Variants in NTNG1 observed in about 807,000 individuals in gnomAD.
NTNG1 encodes the protein netrin G1.
In NTNG1, 16 loss-of-function variants were observed where a neutral mutation model predicts 54.0. The observed-to-expected ratio is 0.30, with a 90% CI of 0.20 to 0.45. NTNG1 has a LOEUF of 0.45. Ranked by LOEUF, NTNG1 falls within the 20% of genes least tolerant of loss-of-function variation. The pLI is 1.00. For synonymous variants in NTNG1, 255 were observed against 263.1 expected, an observed-to-expected ratio of 0.97 and a Z score of 0.30; for missense variants, 530 against 678.7, an observed-to-expected ratio of 0.78 and a Z score of 2.43.
intron 2 of NTNG1, among the ~76,000 whole-genome samples, chr1:107,189,002 A>G (rs1657680221): frequency 6.6e-6 from 1 of 152,110 alleles, no homozygotes; most frequent in African/African-American, 2.4e-5. Flanking sequence ...TTCCTATTCA[A>G]TATTTGAAAG....
At chr1:107,330,685 T>C (rs1354685684) in intron 3 of NTNG1, 1 of 152,154 alleles carries the variant, frequency 6.6e-6, no homozygotes, top group Non-Finnish European at 1.5e-5. Context: ...AGATTCTAGT[T>C]AGGGATTTGA....
intron 2 of NTNG1, among the ~76,000 whole-genome samples, chr1:107,294,564 C>T (rs1469203807): frequency 6.6e-6 from 1 of 152,032 alleles, no homozygotes; most frequent in African/African-American, 2.4e-5. Flanking sequence ...ATTAGTGAAT[C>T]GGTAATAGCA....
intron 6 of NTNG1, among the ~76,000 whole-genome samples, chr1:107,431,975 C>A (rs1009400080): frequency 2.6e-5 from 4 of 151,922 alleles, no homozygotes; most frequent in African/African-American, 9.7e-5. Context: ...ATCCAAGTGT[C>A]ACAAAAAAAA....
At chr1:107,167,499 TATAAAAACTTAA>T (rs1655895039) in intron 2 of NTNG1, among the ~76,000 whole-genome samples, 1 of 151,808 alleles carries the variant, frequency 6.6e-6, no homozygotes, top group Non-Finnish European at 1.5e-5. Context: ...TTTATATTTG[TATAAAAACTTAA>T]ATATGGTTTT....
chr1:107,391,990 T>G (rs906189435), intron 3 of NTNG1, among the ~76,000 whole-genome samples: 1 of 152,132 alleles, frequency 6.6e-6, no homozygotes, highest in African/African-American at 2.4e-5. Flanking sequence ...GGATACATCA[T>G]TCTTGCCTAA....
In NTNG1 at chr1:107,386,171, T is replaced by A. The variant is rs1210311849; in HGVS notation, c.888-8983T>A. Among the ~76,000 whole-genome samples the A allele has an allele frequency of 6.2e-3, 862 of 139,434 alleles. 13 individuals are homozygous for A. The highest frequency in any genetic ancestry group is 0.024 in the African/African-American group (806 of 34,198). The allele number at this position is 139,434 out of a possible 152,430, so 91.5% of individuals were successfully genotyped here. On this transcript the variant is annotated intron_variant, in intron 3 of 7. Transcript: ENST00000370068. ...TGTGTATATATATATATATATTTTT[T>A]TTTTTTTCTTCCTTTGAAATGGGGT...
intron 2 of NTNG1, among the ~76,000 whole-genome samples, chr1:107,317,197 T>C (rs562142635): frequency 3.2e-4 from 48 of 152,280 alleles, no homozygotes; most frequent in African/African-American, 1.1e-3. Context: ...ACTCAGAACA[T>C]TCCCACCTCC....
chr1:107,397,410 G>A (rs961359724), intron 4 of NTNG1, among the ~76,000 whole-genome samples: 16 of 152,162 alleles, frequency 1.1e-4, no homozygotes, highest in African/African-American at 3.9e-4. Context: ...TAAAGCATCT[G>A]AGGATGGAAG....
chr1:107,371,799 C>T (rs1221710539), intron 3 of NTNG1, among the ~76,000 whole-genome samples: 2 of 152,028 alleles, frequency 1.3e-5, no homozygotes, highest in African/African-American at 4.8e-5. Context: ...AAGATCTTTA[C>T]AAGACAAGCT....
At chr1:107,381,894 GT>G (rs1671668622) in intron 3 of NTNG1, among the ~76,000 whole-genome samples, 1 of 152,140 alleles carries the variant, frequency 6.6e-6, no homozygotes, top group African/African-American at 2.4e-5. Context: ...ATGATGACCA[GT>G]TCCAAGTTTA....
chr1:107,481,013 C>A lies in NTNG1; in HGVS notation c.*173C>A. On this transcript the variant is annotated 3_prime_UTR_variant, in exon 8 of 8. Coordinates refer to ENST00000370068, the MANE Select transcript of NTNG1 (RefSeq NM_001113226.3). ...TATTTATCACCCGTGGACAGCACAT[C>A]CGAGTCAAGACTGTTAATTTCTGAC... 1.7e-6 allele frequency: 1 copy of A among 577,046 alleles called. No individual in the cohort carries two copies. The highest frequency in any genetic ancestry group is 3.1e-6 in the Non-Finnish European group (1 of 323,532). 35.7% of individuals were successfully genotyped at this position (577,046 alleles called of 1,614,324 possible). A position where few individuals can be genotyped will look rare whatever the true frequency, so the allele number is the denominator to read the frequency against.
intron 7 of NTNG1, among the ~76,000 whole-genome samples, chr1:107,448,967 A>G (rs1201175497): frequency 6.6e-6 from 1 of 152,138 alleles, no homozygotes; most frequent in East Asian, 1.9e-4. Flanking sequence ...GAGCTCCAAA[A>G]GATAAACTTC....
intron 3 of NTNG1, among the ~76,000 whole-genome samples, chr1:107,360,431 AG>A (rs1670194137): frequency 6.6e-6 from 1 of 152,172 alleles, no homozygotes; most frequent in Non-Finnish European, 1.5e-5. Context: ...GAAGAGAAAT[AG>A]AAAGTACAGT....
At chr1:107,153,207 A>G (rs1654721052) in intron 2 of NTNG1, among the ~76,000 whole-genome samples, 1 of 152,200 alleles carries the variant, frequency 6.6e-6, no homozygotes, top group South Asian at 2.1e-4. Context: ...CTGGTAACTC[A>G]TAATCTCAGG....
intron 2 of NTNG1, among the ~76,000 whole-genome samples, chr1:107,227,235 G>A (rs139392468): frequency 8.5e-5 from 13 of 152,242 alleles, no homozygotes; most frequent in African/African-American, 3.1e-4. Context: ...CTAGTCCAGA[G>A]TGAGGGCTCA....
chr1:107,418,004 C>G (rs1376730573), intron 5 of NTNG1, among the ~76,000 whole-genome samples: 2 of 152,044 alleles, frequency 1.3e-5, no homozygotes, highest in Non-Finnish European at 2.9e-5. Context: ...TTAAATACAA[C>G]TGGAAGCATC....
At chr1:107,286,487 C>T (rs1480811566) in intron 2 of NTNG1, among the ~76,000 whole-genome samples, 2 of 152,120 alleles carry the variant, frequency 1.3e-5, no homozygotes, top group East Asian at 1.9e-4. Context: ...CATTAATGAA[C>T]GCCGTGGAGG....
At chr1:107,246,804 A>G (rs1662233276) in intron 2 of NTNG1, among the ~76,000 whole-genome samples, 1 of 152,204 alleles carries the variant, frequency 6.6e-6, no homozygotes, top group Non-Finnish European at 1.5e-5. Context: ...GATCCTGTTT[A>G]TAACAGAGGT....
At chr1:107,156,668 T>C (rs1342279728) in intron 2 of NTNG1, among the ~76,000 whole-genome samples, 1 of 152,212 alleles carries the variant, frequency 6.6e-6, no homozygotes. Context: ...GATGTTGAGC[T>C]CATTGTATTG....
Sources: allele counts gnomAD v4.1 joint callset (sites outside exome capture counted in the v4.1 genomes callset), GRCh38; gene constraint gnomAD v4.1.1; transcripts MANE v1.5; gene names NCBI Gene and HGNC (gene_info 2026-07-23, HGNC 2026-07-21).